Variants in FAM153A observed in about 807,000 individuals in gnomAD.
FAM153A encodes the protein protein FAM153A.
In FAM153A, 12 loss-of-function variants were observed where a neutral mutation model predicts 48.1. The observed-to-expected ratio is 0.25, with a 90% CI of 0.16 to 0.40. The LOEUF (loss-of-function observed/expected upper bound fraction) is 0.40. Among genes scored for constraint, FAM153A ranks in the 10% least tolerant of loss-of-function variants. FAM153A has a pLI of 1.00. For synonymous variants in FAM153A, 36 were observed against 118.2 expected (o/e 0.30, Z 4.51); for missense variants, 111 against 345.8 (o/e 0.32, Z 5.38).
the FAM153A span, among the ~76,000 whole-genome samples, chr5:177,694,920 A>G: frequency 9.9e-5 from 15 of 151,936 alleles, no homozygotes; most frequent in East Asian, 1.9e-3. Flanking sequence ...ACATTTTGTA[A>G]TTTTAGGTTT....
Position 177,727,831 on chromosome 5 carries a change from T to G in FAM153A, c.964+1192A>C, listed in dbSNP as rs1266302136. ...TGGGGCAGGTATCCTGCCTGATGAT[T>G]ATTTCATTAAATACAATAGAATATG... On this transcript the variant is annotated intron_variant, in intron 18 of 20. Coordinates refer to ENST00000614127, the Ensembl canonical transcript of FAM153A. Among the ~76,000 whole-genome samples, 2 of 78,756 alleles carry G rather than the reference T, an allele frequency of 2.5e-5. 1 individual carries two copies. The highest frequency in any genetic ancestry group is 1.2e-4 in the African/African-American group (2 of 17,352). 51.7% of individuals were successfully genotyped at this position (78,756 alleles called of 152,430 possible). A position where few individuals can be genotyped will look rare whatever the true frequency, so the allele number is the denominator to read the frequency against.
chr5:177,700,207 G>C, the FAM153A span, among the ~76,000 whole-genome samples: 10 of 151,860 alleles, frequency 6.6e-5, no homozygotes, highest in East Asian at 1.5e-3. Flanking sequence ...CCCATGAAAG[G>C]GTATCTCTGA....
chr5:177,778,998 G>A (rs1366621450), intron 1 of FAM153A, among the ~76,000 whole-genome samples: 1 of 132,154 alleles, frequency 7.6e-6, no homozygotes, highest in Admixed American at 7.7e-5. Context: ...TTATAATAAT[G>A]ATAATAAATT....
At chr5:177,762,458 G>C (rs1424492640) in intron 1 of FAM153A, among the ~76,000 whole-genome samples, 2 of 141,004 alleles carry the variant, frequency 1.4e-5, no homozygotes, top group African/African-American at 5.1e-5. Context: ...GTAGACTGTG[G>C]GGTAAAGCTG....
At position 177,772,277 on chromosome 5, in the gene FAM153A, A is replaced by C. The variant is rs1274694514; in HGVS notation, c.-57+8172T>G. On this transcript the variant is annotated intron_variant, in intron 1 of 8. Transcript: ENST00000393518. ...GGAGCCAAGATGGCCGAATAGGAAC[A>C]GCTCCGGTCTACAGCTCCCAGCGTG... Among the ~76,000 whole-genome samples the C allele has an allele frequency of 1.6e-4, 15 of 93,560 alleles. 5 individuals carry two copies. Among genetic ancestry groups the C allele is most frequent in the African/African-American group, 6.4e-4 (15 of 23,332 alleles). The allele number at this position is 93,560 out of a possible 152,430, so 61.4% of individuals were successfully genotyped here.
chr5:177,701,314 A>G, the FAM153A span, among the ~76,000 whole-genome samples: 1 of 151,828 alleles, frequency 6.6e-6, no homozygotes, highest in Non-Finnish European at 1.5e-5. Context: ...CTGTAACCCC[A>G]GCACTTTGGG....
chr5:177,755,323 T>A (rs1027421380), upstream of FAM153A, among the ~76,000 whole-genome samples: 1 of 151,614 alleles, frequency 6.6e-6, no homozygotes, highest in Non-Finnish European at 1.5e-5. Flanking sequence ...CTCCAAGAAA[T>A]ATGGGACTAT....
At chr5:177,758,098 CCTT>C (rs1162275863), upstream of FAM153A, among the ~76,000 whole-genome samples, 3 of 137,358 alleles carry the variant, frequency 2.2e-5, no homozygotes, top group African/African-American at 7.8e-5. Context: ...CCCAAAATCT[CCTT>C]AAGCTGATAA....
exon 18 of FAM153A, chr5:177,729,024 C>T (rs1763268931): frequency 1.6e-6 from 1 of 619,076 alleles, no homozygotes; most frequent in Non-Finnish European, 2.7e-6. Flanking sequence ...AATACGTACG[C>T]TTTGCCAGTG....
downstream of FAM153A, among the ~76,000 whole-genome samples, chr5:177,704,564 A>C (rs868291379): frequency 2.3e-3 from 279 of 120,760 alleles, no homozygotes; most frequent in Middle Eastern, 0.017. Flanking sequence ...TGATTGGACC[A>C]TGGAGGCGGT....
chr5:177,703,444 G>A (rs1340396160), downstream of FAM153A, among the ~76,000 whole-genome samples: 1 of 150,944 alleles, frequency 6.6e-6, no homozygotes, highest in African/African-American at 2.5e-5. Context: ...ACCTATAGGT[G>A]GAAGGAACTA....
At chr5:177,725,685 G>A (rs2127597872) in intron 18 of FAM153A, among the ~76,000 whole-genome samples, 1 of 151,604 alleles carries the variant, frequency 6.6e-6, no homozygotes, top group South Asian at 2.1e-4. Flanking sequence ...CAAGGCTGCT[G>A]AGCCAGAGAG....
chr5:177,758,976 G>A (rs2041936425), intron 1 of FAM153A, among the ~76,000 whole-genome samples: 1 of 151,716 alleles, frequency 6.6e-6, no homozygotes, highest in African/African-American at 2.4e-5. Context: ...TTAACAAATG[G>A]GATCTAATTA....
chr5:177,733,838 AAAAAT>A (rs1764255154), intron 14 of FAM153A, among the ~76,000 whole-genome samples: 1 of 126,358 alleles, frequency 7.9e-6, no homozygotes, highest in African/African-American at 2.8e-5. Context: ...TTCTGAATGA[AAAAAT>A]AAAATCAGCA....
At chr5:177,743,189 T>G (rs1765551038) in intron 6 of FAM153A, among the ~76,000 whole-genome samples, 1 of 68,616 alleles carries the variant, frequency 1.5e-5, no homozygotes, top group Non-Finnish European at 3.0e-5. Flanking sequence ...TGCATTCACT[T>G]GTTTTTTTTT....
chr5:177,737,223 C>G lies in FAM153A; in HGVS notation c.563-111G>C. 4.4e-6 allele frequency: 7 copies of G among 1,578,156 alleles called. 1 individual carries two copies. Among genetic ancestry groups the G allele is most frequent in the African/African-American group, 2.8e-5 (2 of 72,436 alleles). On this transcript the variant is annotated intron_variant, in intron 10 of 20. Coordinates refer to ENST00000614127, the Ensembl canonical transcript of FAM153A. ...TGTGTGGAAAGGTGTGTTCACAGCACAGACTCAGCTGCTGCCAGTCCATCC... is the reference window on the plus strand; with the variant it reads ...TGTGTGGAAAGGTGTGTTCACAGCAGAGACTCAGCTGCTGCCAGTCCATCC...
At position 177,730,333 on chromosome 5, in the gene FAM153A, A is replaced by AT. The variant is rs554313905; in HGVS notation, c.863-779dup. On this transcript the variant is annotated intron_variant, in intron 16 of 20. Transcript: ENST00000614127. ...GCTAATTCCCAAGTTGAGCCTTGAGATTTTTTTATTGGATGCTATGTCTTG... is the reference window on the plus strand; with the variant it reads ...GCTAATTCCCAAGTTGAGCCTTGAGATTTTTTTTATTGGATGCTATGTCTTG... Among the ~76,000 whole-genome samples the AT allele has an allele frequency of 4.1e-5, 5 of 121,680 alleles. 2 individuals are homozygous for AT. Among genetic ancestry groups the AT allele is most frequent in the African/African-American group, 8.0e-5 (3 of 37,424 alleles). The allele number at this position is 121,680 out of a possible 152,430, so 79.8% of individuals were successfully genotyped here. A position where few individuals can be genotyped will look rare whatever the true frequency, so the allele number is the denominator to read the frequency against.
chr5:177,696,317 G>A, the FAM153A span, among the ~76,000 whole-genome samples: 3 of 147,050 alleles, frequency 2.0e-5, no homozygotes, highest in African/African-American at 7.7e-5. Context: ...GCCGGGCAGA[G>A]GCGCTCCTCA....
intron 25 of FAM153A, chr5:177,714,135 T>G (rs1190535797): frequency 1.3e-5 from 2 of 151,388 alleles, no homozygotes; most frequent in Non-Finnish European, 1.5e-5. Flanking sequence ...CATCTACAAC[T>G]CTAGTCACCA....
Sources: gnomAD v4.1 joint callset for allele counts (sites outside exome capture counted in the v4.1 genomes callset) on GRCh38, gnomAD v4.1.1 for gene constraint, MANE v1.5 for transcripts, NCBI Gene and HGNC (gene_info 2026-07-23, HGNC 2026-07-21) for gene names.